Variants in IDS observed in about 807,000 individuals in gnomAD.
IDS encodes the protein iduronate 2-sulfatase.
Under a neutral mutation model 33.5 loss-of-function variants are expected in IDS, and 1 was observed. That is an observed-to-expected ratio of 0.03 (90% CI 0.01 to 0.14). The LOEUF is 0.14. Among genes scored for constraint, IDS ranks in the 10% least tolerant of loss-of-function variants. IDS has a pLI of 1.00. For synonymous variants in IDS, 191 were observed against 184.4 expected, an observed-to-expected ratio of 1.04 and a Z score of -0.29; for missense variants, 328 against 448.0, an observed-to-expected ratio of 0.73 and a Z score of 2.42.
chrX:149,491,331 T>C (rs938781145), intron 6 of IDS, among the ~76,000 whole-genome samples: 2 of 112,538 alleles, frequency 1.8e-5, no homozygotes, highest in African/African-American at 6.5e-5. Context: ...AGCCAGATCA[T>C]GCCCTGAAGT....
chrX:149,503,706 A>T (rs1202755245), intron 2 of IDS, among the ~76,000 whole-genome samples: 17 of 112,101 alleles, frequency 1.5e-4, no homozygotes, highest in Admixed American at 5.6e-4. Context: ...AAACCAGCAG[A>T]TGCTTATCTC....
chrX:149,483,445 T>C (rs1271490965), intron 8 of IDS, among the ~76,000 whole-genome samples: 2 of 111,576 alleles, frequency 1.8e-5, no homozygotes, highest in African/African-American at 6.5e-5. Flanking sequence ...CACGAGGCTG[T>C]TGGCGCTTTT....
At chrX:149,486,633 C>A (rs184873856) in intron 8 of IDS, among the ~76,000 whole-genome samples, 1 of 112,193 alleles carries the variant, frequency 8.9e-6, no homozygotes, top group Admixed American at 9.4e-5. Context: ...TGTACCACAG[C>A]CCTCCCCATC....
chrX:149,477,221 A>G lies in IDS; in HGVS notation c.*5525T>C, dbSNP rs377294012. 1.5e-4 allele frequency: 17 copies of G among 112,635 alleles called. No homozygotes were observed. The highest frequency in any genetic ancestry group is 5.5e-4 in the African/African-American group (17 of 31,029). The allele number at this position is 112,635 out of a possible 1,213,427, so 9.3% of individuals were successfully genotyped here. On this transcript the variant is annotated 3_prime_UTR_variant, in exon 9 of 9. Coordinates refer to ENST00000340855, the MANE Select transcript of IDS (RefSeq NM_000202.8). ...AGTCCTACTCCAAACCTTCTCACCC[A>G]TATAAATCATAGTCCCTGACTTTTA...
chrX:149,492,159 C>T (rs2089398455), intron 6 of IDS, among the ~76,000 whole-genome samples: 1 of 112,091 alleles, frequency 8.9e-6, no homozygotes, highest in Admixed American at 9.4e-5. Flanking sequence ...GTACCTACTC[C>T]TTGCCCTCTG....
chrX:149,484,159 T>C (rs1557337775), intron 8 of IDS, among the ~76,000 whole-genome samples: 1 of 112,467 alleles, frequency 8.9e-6, no homozygotes, highest in African/African-American at 3.2e-5. Context: ...TCTGTGGATA[T>C]ATACCTAGGA....
intron 7 of IDS, among the ~76,000 whole-genome samples, chrX:149,489,930 G>A (rs1557338545): frequency 1.8e-5 from 2 of 110,840 alleles, no homozygotes; most frequent in Admixed American, 1.9e-4. Context: ...GGAGCCAGGC[G>A]TGAAGAGCTT....
At chrX:149,486,904 T>A in intron 8 of IDS, 21 bp downstream of exon 8, 1 of 1,202,164 alleles carries the variant, frequency 8.3e-7, no homozygotes, top group Non-Finnish European at 1.1e-6. Context: ...TCAAGCAATA[T>A]CATTTCAGCA....
At chrX:149,500,778 G>T (rs782472634) in intron 4 of IDS, among the ~76,000 whole-genome samples, 171 bp downstream of exon 4, 4 of 110,297 alleles carry the variant, frequency 3.6e-5, no homozygotes, top group African/African-American at 1.3e-4. Context: ...TGCTCCTGTC[G>T]GGCCTAATGC....
chrX:149,490,533 C>T (rs1489297419), intron 6 of IDS, 93 bp from the exon 7 acceptor site: 1 of 934,392 alleles, frequency 1.1e-6, no homozygotes, highest in Non-Finnish European at 1.5e-6. Context: ...CTCTCCCAAT[C>T]CCTACCCCTT....
rs186358863 is a variant in IDS at position 149,494,544 on chromosome X, C to T, written c.879+1802G>A. On this transcript the variant is annotated intron_variant, in intron 6 of 8. Coordinates refer to ENST00000340855, the MANE Select transcript of IDS (RefSeq NM_000202.8). ...GGGTGCAGTGAGATGGGCTTGGATG[C>T]GGACATCCAAAGCTACAAGAGGACA... is the stretch of plus-strand genomic sequence containing the variant. Among the ~76,000 whole-genome samples, 29 of 111,029 alleles carry T rather than the reference C, an allele frequency of 2.6e-4. No individual in the cohort carries two copies. The East Asian group carries it at 6.3e-3, about 24-fold the overall frequency.
rs2089285399 is a variant in IDS at position 149,479,717 on chromosome X, C to A, written c.*3029G>T. ...ACACATAATACTTAGTAAAAAAGAA[C>A]ATAAATTACATGATAAAGAATATGA... On this transcript the variant is annotated 3_prime_UTR_variant, in exon 9 of 9. Transcript: ENST00000340855. The A allele has an allele frequency of 9.0e-6, 1 of 111,252 alleles. No homozygotes were observed. Among genetic ancestry groups the A allele is most frequent in the Non-Finnish European group, 1.9e-5 (1 of 53,100 alleles). 9.2% of individuals were successfully genotyped at this position (111,252 alleles called of 1,213,427 possible).
Position 149,500,929 on chromosome X carries a change from T to C in IDS, c.507+20A>G. On this transcript the variant is annotated intron_variant, in intron 4 of 8. Coordinates refer to ENST00000340855, the MANE Select transcript of IDS (RefSeq NM_000202.8). ...GGAAAAAGTGGTTCCTCTTCAGAAA[T>C]GTCCCTTTCACAGCCTTACCTTAGT... 1 of 1,029,194 alleles carries C rather than the reference T, an allele frequency of 9.7e-7. No individual in the cohort carries two copies. The allele number at this position is 1,029,194 out of a possible 1,213,427, so 84.8% of individuals were successfully genotyped here. A position where few individuals can be genotyped will look rare whatever the true frequency, so the allele number is the denominator to read the frequency against.
intron 7 of IDS, among the ~76,000 whole-genome samples, chrX:149,488,338 G>A (rs1181993695): frequency 1.9e-4 from 19 of 102,383 alleles, no homozygotes; most frequent in African/African-American, 6.2e-4. Context: ...GTAGGTTATC[G>A]GCAGGCTCCT....
In IDS at chrX:149,482,632, T is replaced by C. The variant is rs1297118996; in HGVS notation, c.*114A>G. The C allele has an allele frequency of 3.6e-6, 4 of 1,122,202 alleles. No individual in the cohort carries two copies. The highest frequency in any genetic ancestry group is 4.8e-6 in the Non-Finnish European group (4 of 838,569). The allele number at this position is 1,122,202 out of a possible 1,213,427, so 92.5% of individuals were successfully genotyped here. A position where few individuals can be genotyped will look rare whatever the true frequency, so the allele number is the denominator to read the frequency against. ...ATTGTTGATGCATGTTTGGATTAACTAGCCCTCAGGCTGCTTCCAATATTA... is the reference window on the plus strand; with the variant it reads ...ATTGTTGATGCATGTTTGGATTAACCAGCCCTCAGGCTGCTTCCAATATTA... On this transcript the variant is annotated 3_prime_UTR_variant, in exon 9 of 9. Transcript: ENST00000340855.
chrX:149,492,078 C>T (rs1022724148), intron 6 of IDS, among the ~76,000 whole-genome samples: 5 of 112,093 alleles, frequency 4.5e-5, no homozygotes, highest in Admixed American at 2.8e-4. Flanking sequence ...CAAGCACAGA[C>T]GATCAAAGGT....
intron 6 of IDS, among the ~76,000 whole-genome samples, chrX:149,492,354 G>A (rs1373178912): frequency 8.9e-6 from 1 of 111,893 alleles, no homozygotes; most frequent in African/African-American, 3.3e-5. Context: ...AGGCTTCACA[G>A]AGGAGTTAGA....
intron 6 of IDS, among the ~76,000 whole-genome samples, chrX:149,490,959 G>A (rs1335391110): frequency 8.9e-6 from 1 of 111,768 alleles, no homozygotes. Flanking sequence ...AAAGGACACC[G>A]ATCATATTGG....
In IDS at chrX:149,488,066, C is replaced by T. The variant is rs1160475622; in HGVS notation, c.1007-968G>A. On this transcript the variant is annotated intron_variant, in intron 7 of 8. Transcript: ENST00000340855. ...CAAGTTGAGAGGACCCTCTTACCCA[C>T]TCATCAATAATCAAAGCAGACTTGA... Among the ~76,000 whole-genome samples, 3 of 88,138 alleles carry T rather than the reference C, an allele frequency of 3.4e-5. No homozygotes were observed. In the East Asian group the frequency reaches 1.1e-3, roughly 32 times the overall value. The allele number at this position is 88,138 out of a possible 115,157, so 76.5% of individuals were successfully genotyped here. A position where few individuals can be genotyped will look rare whatever the true frequency, so the allele number is the denominator to read the frequency against.
Sources: gnomAD v4.1 joint callset for allele counts (sites outside exome capture counted in the v4.1 genomes callset) on GRCh38, gnomAD v4.1.1 for gene constraint, MANE v1.5 for transcripts, NCBI Gene and HGNC (gene_info 2026-07-23, HGNC 2026-07-21) for gene names.